GDPD1: variants seen among roughly 807,000 people sequenced by gnomAD.
GDPD1 encodes lysophospholipase D GDPD1.
GDPD1 carries 28 observed loss-of-function variants against 45.1 expected under a neutral mutation model. The ratio of observed to expected loss-of-function variants is 0.62; its 90% CI spans 0.46 to 0.85. The LOEUF is 0.85. Ranked by LOEUF, GDPD1 falls within the 40% of genes least tolerant of loss-of-function variation. GDPD1 has a pLI of 0.00. For synonymous variants in GDPD1, 139 were observed against 131.4 expected, an observed-to-expected ratio of 1.06 and a Z score of -0.40; for missense variants, 256 against 364.8, an observed-to-expected ratio of 0.70 and a Z score of 2.43.
At position 59,263,771 on chromosome 17, in the gene GDPD1, C is replaced by T. The variant is rs144519883; in HGVS notation, c.577-3270C>T. ...CTGGGATTACAGGTGTGAGCCACCA[C>T]GCCCAGCCTACTTTTGCAATTCTTA... On this transcript the variant is annotated intron_variant, in intron 6 of 9. Coordinates refer to ENST00000284116, the MANE Select transcript of GDPD1 (RefSeq NM_182569.4). Among the ~76,000 whole-genome samples, 18 of 151,908 alleles carry T rather than the reference C, an allele frequency of 1.2e-4. No individual in the cohort carries two copies. The East Asian group carries it at 2.3e-3, about 20-fold the overall frequency.
intron 2 of GDPD1, among the ~76,000 whole-genome samples, chr17:59,238,310 T>A (rs991521764): frequency 6.6e-6 from 1 of 150,468 alleles, no homozygotes; most frequent in Non-Finnish European, 1.5e-5. Context: ...CTGACAGAAG[T>A]AATTATGTCT....
At chr17:59,258,377 C>T (rs2047325887) in intron 6 of GDPD1, among the ~76,000 whole-genome samples, 1 of 151,972 alleles carries the variant, frequency 6.6e-6, no homozygotes, top group Non-Finnish European at 1.5e-5. Context: ...AACCCTGTCT[C>T]TATGAAAATA....
chr17:59,257,160 C>G lies in GDPD1; in HGVS notation c.406C>G (p.Leu136Val). The G allele has an allele frequency of 6.2e-7, 1 of 1,605,828 alleles. No individual in the cohort carries two copies. Among genetic ancestry groups the G allele is most frequent in the African/African-American group, 1.3e-5 (1 of 74,760 alleles). Residue 136 changes from leucine to valine, a missense_variant, in exon 5 of 10, where the codon CTG becomes GTG. By Grantham distance (32) the Leu-to-Val change is conservative. Transcript: ENST00000284116. ...CEGKDNRIPL[L>V]KEVFEAFPNT... ...AGGAAAAGATAACCGAATTCCATTACTGAAGGAAGTTTTTGAGGCCTTTCC... is the reference window on the plus strand; with the variant it reads ...AGGAAAAGATAACCGAATTCCATTAGTGAAGGAAGTTTTTGAGGCCTTTCC...
intron 4 of GDPD1, among the ~76,000 whole-genome samples, chr17:59,253,640 C>T (rs1295999224): frequency 6.6e-6 from 1 of 151,912 alleles, no homozygotes; most frequent in Non-Finnish European, 1.5e-5. Flanking sequence ...TCTGTTTGAC[C>T]TTTTTGTAAA....
At chr17:59,253,795 A>G (rs932946695) in intron 4 of GDPD1, among the ~76,000 whole-genome samples, 2 of 152,126 alleles carry the variant, frequency 1.3e-5, no homozygotes, top group Non-Finnish European at 2.9e-5. Context: ...TCATGTGGCC[A>G]TCCTGAAGAA....
At chr17:59,265,024 A>C (rs1263285219) in intron 6 of GDPD1, among the ~76,000 whole-genome samples, 5 of 151,454 alleles carry the variant, frequency 3.3e-5, no homozygotes, top group Non-Finnish European at 7.4e-5. Flanking sequence ...TATTTTTAGT[A>C]GAGGCAGGAT....
intron 2 of GDPD1, among the ~76,000 whole-genome samples, chr17:59,235,467 G>A (rs2047124418): frequency 6.6e-6 from 1 of 151,886 alleles, no homozygotes; most frequent in Non-Finnish European, 1.5e-5. Context: ...TACTCTTCTT[G>A]TTCTATACTA....
intron 4 of GDPD1, among the ~76,000 whole-genome samples, chr17:59,251,899 T>A (rs559766529): frequency 3.5e-5 from 5 of 140,872 alleles, no homozygotes; most frequent in African/African-American, 1.4e-4. Context: ...TGGGCCTACC[T>A]AGGGAGGCTG....
At position 59,261,474 on chromosome 17, in the gene GDPD1, T is replaced by A. The variant is rs562371455; in HGVS notation, c.576+3634T>A. 2.6e-5 allele frequency among the ~76,000 whole-genome samples: 4 copies of A among 152,120 alleles called. No individual in the cohort carries two copies. In the South Asian group the frequency reaches 8.3e-4, roughly 32 times the overall value. ...ACAAAAACCTATAAATGATTTTTTT[T>A]AATTTAATGATTTATTTTATTATTA... On this transcript the variant is annotated intron_variant, in intron 6 of 9. Coordinates refer to ENST00000284116, the MANE Select transcript of GDPD1 (RefSeq NM_182569.4).
At chr17:59,225,906 G>C (rs141542885) in intron 1 of GDPD1, among the ~76,000 whole-genome samples, 2,236 of 151,646 alleles carry the variant, frequency 0.015, 65 homozygotes, top group African/African-American at 0.051. Flanking sequence ...ACTTTTAGTA[G>C]AGATGGGGTT....
In GDPD1 at chr17:59,250,108, A is replaced by C. The variant is rs145757410; in HGVS notation, c.367+1323A>C. On this transcript the variant is annotated intron_variant, in intron 4 of 9. Transcript: ENST00000284116. Reference sequence around the variant, plus strand: ...ATTTAACATTAGCTATTTCTAAGGGATATTTAAACCTCAGATGTGTTTGAT... The same window carrying C: ...ATTTAACATTAGCTATTTCTAAGGGCTATTTAAACCTCAGATGTGTTTGAT... Among the ~76,000 whole-genome samples, 27 of 152,270 alleles carry C rather than the reference A, an allele frequency of 1.8e-4. 1 individual carries two copies. In the East Asian group the frequency reaches 5.2e-3, roughly 29 times the overall value.
At chr17:59,253,071 A>G (rs2047268641) in intron 4 of GDPD1, among the ~76,000 whole-genome samples, 1 of 152,030 alleles carries the variant, frequency 6.6e-6, no homozygotes, top group Non-Finnish European at 1.5e-5. Flanking sequence ...TTTTTCATGG[A>G]AAACACAAAA....
chr17:59,270,386 G>GT (rs1009746855), intron 7 of GDPD1, among the ~76,000 whole-genome samples: 3 of 151,532 alleles, frequency 2.0e-5, no homozygotes, highest in African/African-American at 2.4e-5. Flanking sequence ...TAGAGACGGG[G>GT]GGGGGTTTCA....
At chr17:59,253,937 G>C (rs539251964) in intron 4 of GDPD1, among the ~76,000 whole-genome samples, 1 of 151,664 alleles carries the variant, frequency 6.6e-6, no homozygotes, top group Non-Finnish European at 1.5e-5. Flanking sequence ...ATGTTGGGTA[G>C]GTAAAAAACA....
At chr17:59,269,788 A>C (rs994375190) in intron 7 of GDPD1, among the ~76,000 whole-genome samples, 3 of 152,120 alleles carry the variant, frequency 2.0e-5, no homozygotes, top group East Asian at 1.9e-4. Context: ...GCGCCATTGC[A>C]CTCCAGCCTG....
intron 1 of GDPD1, among the ~76,000 whole-genome samples, chr17:59,224,947 TTC>T (rs1209701857): frequency 6.6e-6 from 1 of 152,166 alleles, no homozygotes; most frequent in African/African-American, 2.4e-5. Flanking sequence ...TCTTGCTGCT[TTC>T]TGTTAAGTCA....
At chr17:59,255,958 C>T (rs951951012) in intron 4 of GDPD1, among the ~76,000 whole-genome samples, 1 of 146,080 alleles carries the variant, frequency 6.8e-6, no homozygotes, top group Non-Finnish European at 1.5e-5. Flanking sequence ...TGTGGGAGGC[C>T]GCAGTGAGCC....
intron 6 of GDPD1, among the ~76,000 whole-genome samples, chr17:59,258,814 G>A (rs1371533411): frequency 6.6e-6 from 1 of 151,046 alleles, no homozygotes; most frequent in African/African-American, 2.5e-5. Context: ...TAAATTTTTT[G>A]TGTGTAATTT....
chr17:59,245,626 C>A, intron 3 of GDPD1, 77 bp downstream of exon 3: 2 of 1,110,562 alleles, frequency 1.8e-6, no homozygotes, highest in African/African-American at 1.6e-5. Flanking sequence ...TAGCGAATAT[C>A]AGCAAAAAAT....
Sources: gnomAD v4.1 joint callset for allele counts (sites outside exome capture counted in the v4.1 genomes callset) on GRCh38, gnomAD v4.1.1 for gene constraint, MANE v1.5 for transcripts, NCBI Gene and HGNC (gene_info 2026-07-23, HGNC 2026-07-21) for gene names.